SCAI: variants seen among roughly 807,000 people sequenced by gnomAD.
SCAI encodes suppressor of cancer cell invasion.
A neutral mutation model predicts 92.2 loss-of-function variants in SCAI; 24 were observed. That is an observed-to-expected ratio of 0.26 (90% confidence interval 0.19 to 0.37). The LOEUF (loss-of-function observed/expected upper bound fraction) is 0.37. Ranked by LOEUF, SCAI falls within the 10% of genes least tolerant of loss-of-function variation. The probability of loss-of-function intolerance (pLI) is 1.00; values close to 1 mark genes in which losing one functional copy is unlikely to be tolerated. For missense variants in SCAI, 450 were observed against 736.2 expected (o/e 0.61, Z 4.50); for synonymous variants, 261 against 258.6 (o/e 1.01, Z -0.09).
intron 15 of SCAI, among the ~76,000 whole-genome samples, chr9:124,972,550 G>T (rs1452985136): frequency 6.6e-6 from 1 of 152,128 alleles, no homozygotes; most frequent in East Asian, 1.9e-4. Flanking sequence ...TTTTGATATA[G>T]GTAATAGAAA....
intron 2 of SCAI, among the ~76,000 whole-genome samples, chr9:125,102,930 A>C (rs924246374): frequency 6.6e-6 from 1 of 151,304 alleles, no homozygotes; most frequent in Non-Finnish European, 1.5e-5. Flanking sequence ...CCCTTAAGTC[A>C]TCTCTCTCTT....
At chr9:125,003,324 G>A in intron 10 of SCAI, 109 bp from the exon 11 acceptor site, 7 of 1,017,240 alleles carry the variant, frequency 6.9e-6, no homozygotes, top group African/African-American at 1.6e-5. Context: ...TTCACACTCA[G>A]TCTTACTGTG....
intron 2 of SCAI, among the ~76,000 whole-genome samples, chr9:125,128,793 T>A (rs547755008): frequency 1.8e-4 from 27 of 151,898 alleles, no homozygotes; most frequent in African/African-American, 6.0e-4. Context: ...CCGGGCACAG[T>A]GGCTCACGCC....
intron 9 of SCAI, among the ~76,000 whole-genome samples, chr9:125,015,018 T>A (rs1231422414): frequency 6.6e-6 from 1 of 152,084 alleles, no homozygotes; most frequent in African/African-American, 2.4e-5. Context: ...TTACACCTTA[T>A]ACAAAAATTA....
intron 9 of SCAI, among the ~76,000 whole-genome samples, chr9:125,013,298 A>G (rs1258626027): frequency 6.6e-6 from 1 of 152,164 alleles, no homozygotes; most frequent in Non-Finnish European, 1.5e-5. Flanking sequence ...CTAATAAAGA[A>G]GAAAAGAGAG....
rs982274637 is a variant in SCAI at position 124,948,629 on chromosome 9, A to G, written c.*4178T>C. On this transcript the variant is annotated 3_prime_UTR_variant, in exon 18 of 18. Transcript: ENST00000336505. ...CAGCTTTCTCTTCTGTAAAATAGAG[A>G]AGATAGTTGCTTTACCAACTTCAGA... 1 of 152,206 alleles carries G rather than the reference A, an allele frequency of 6.6e-6. No homozygotes were observed. The highest frequency in any genetic ancestry group is 1.5e-5 in the Non-Finnish European group (1 of 68,042). 9.4% of individuals were successfully genotyped at this position (152,206 alleles called of 1,614,324 possible). A position where few individuals can be genotyped will look rare whatever the true frequency, so the allele number is the denominator to read the frequency against.
rs1831204941 is a variant in SCAI, at chr9:124,949,792, G to A, written c.*3015C>T. On this transcript the variant is annotated 3_prime_UTR_variant, in exon 18 of 18. Coordinates refer to ENST00000336505, the MANE Select transcript of SCAI (RefSeq NM_001144877.3). This position sits in a 1 kb window ranked among gnomAD's most constrained non-coding sequence, Gnocchi z 4.0. ...AGAATGTAAGCTTCATGAACATGAGGATTTTTAAGTCTATTTTGTTTGCTT... is the reference window on the plus strand; with the variant it reads ...AGAATGTAAGCTTCATGAACATGAGAATTTTTAAGTCTATTTTGTTTGCTT... 1 of 152,156 alleles carries A rather than the reference G, an allele frequency of 6.6e-6. No homozygotes were observed. The highest frequency in any genetic ancestry group is 1.5e-5 in the Non-Finnish European group (1 of 68,042). The allele number at this position is 152,156 out of a possible 1,614,324, so 9.4% of individuals were successfully genotyped here.
intron 17 of SCAI, among the ~76,000 whole-genome samples, chr9:124,958,393 A>T (rs1831362669): frequency 6.6e-6 from 1 of 152,238 alleles, no homozygotes; most frequent in African/African-American, 2.4e-5. Context: ...GAGAATTTAG[A>T]GTTCAGAAAT....
At chr9:125,093,942 A>T (rs1259258593) in intron 2 of SCAI, among the ~76,000 whole-genome samples, 1 of 151,828 alleles carries the variant, frequency 6.6e-6, no homozygotes, top group Non-Finnish European at 1.5e-5. Context: ...TCTATTTGTC[A>T]TCTCTATCTG....
intron 17 of SCAI, among the ~76,000 whole-genome samples, chr9:124,956,715 A>G (rs1258210048): frequency 6.6e-6 from 1 of 152,228 alleles, no homozygotes; most frequent in Non-Finnish European, 1.5e-5. Flanking sequence ...ATCATAATTT[A>G]TGGTTAAAGA....
chr9:125,106,292 G>C (rs1013635137), intron 2 of SCAI, among the ~76,000 whole-genome samples: 5 of 149,490 alleles, frequency 3.3e-5, no homozygotes, highest in African/African-American at 1.2e-4. Context: ...ACAAGCATTG[G>C]AAGATTCATT....
chr9:125,133,672 T>C (rs1245516380), intron 2 of SCAI, among the ~76,000 whole-genome samples: 2 of 152,048 alleles, frequency 1.3e-5, no homozygotes, highest in Non-Finnish European at 2.9e-5. Context: ...TCAAAACTTA[T>C]CAAATTGTAC....
intron 2 of SCAI, among the ~76,000 whole-genome samples, chr9:125,057,008 A>G (rs1487229784): frequency 2.0e-5 from 3 of 152,252 alleles, no homozygotes; most frequent in African/African-American, 4.8e-5. Flanking sequence ...AGAAAACAAC[A>G]GTAAGTTGTC....
rs1410535505 is a variant in SCAI at position 124,962,176 on chromosome 9, G to GC, written c.1674+9193_1674+9194insG. On this transcript the variant is annotated intron_variant, in intron 17 of 17. Transcript: ENST00000336505. The stretch of plus-strand genomic sequence containing the variant: ...TTTTTTTTTTTTTTTTTTTTGCGGG[G>GC]GGGGATGGAGTCTTGCTCTGTCGCC... 2.4e-4 allele frequency among the ~76,000 whole-genome samples: 34 copies of GC among 143,748 alleles called. 1 individual carries two copies. Among genetic ancestry groups the GC allele is most frequent in the Non-Finnish European group, 4.1e-4 (27 of 65,914 alleles). 94.3% of individuals were successfully genotyped at this position (143,748 alleles called of 152,430 possible). A position where few individuals can be genotyped will look rare whatever the true frequency, so the allele number is the denominator to read the frequency against.
chr9:124,960,054 A>G (rs1261309205), intron 17 of SCAI, among the ~76,000 whole-genome samples: 1 of 152,128 alleles, frequency 6.6e-6, no homozygotes. Context: ...TATACCCAGT[A>G]ATGGGATTGC....
intron 17 of SCAI, among the ~76,000 whole-genome samples, chr9:124,966,508 G>A (rs1397393231): frequency 1.3e-5 from 2 of 152,114 alleles, no homozygotes; most frequent in African/African-American, 2.4e-5. Flanking sequence ...GTCTGTAAGT[G>A]TGTGCATAAA....
At chr9:125,071,752 A>G (rs1833983221) in intron 2 of SCAI, among the ~76,000 whole-genome samples, 1 of 152,206 alleles carries the variant, frequency 6.6e-6, no homozygotes, top group South Asian at 2.1e-4. Context: ...AAAAAAAAAG[A>G]ACACACAATT....
At chr9:124,971,029 G>A (rs1831647542) in intron 17 of SCAI, among the ~76,000 whole-genome samples, 1 of 151,840 alleles carries the variant, frequency 6.6e-6, no homozygotes, top group African/African-American at 2.4e-5. Flanking sequence ...TGGCCAGGCT[G>A]GTCTCCAACT....
At chr9:124,974,979 C>T (rs142801051) in intron 15 of SCAI, among the ~76,000 whole-genome samples, 2 of 152,164 alleles carry the variant, frequency 1.3e-5, no homozygotes, top group Non-Finnish European at 2.9e-5. Flanking sequence ...GTCTTTCAGA[C>T]CGAATAATCT....
Sources: allele counts gnomAD v4.1 joint callset (sites outside exome capture counted in the v4.1 genomes callset), GRCh38; gene constraint gnomAD v4.1.1; non-coding constraint Gnocchi (gnomAD v3.1); transcripts MANE v1.5; gene names NCBI Gene and HGNC (gene_info 2026-07-23, HGNC 2026-07-21).